Variants in LDLRAD3 observed in about 807,000 individuals in gnomAD.
The protein encoded by LDLRAD3 is low-density lipoprotein receptor class A domain-containing protein 3.
Under a neutral mutation model 29.4 loss-of-function variants are expected in LDLRAD3, and 20 were observed. That is an observed-to-expected ratio of 0.68 (90% confidence interval 0.48 to 0.99). The LOEUF (loss-of-function observed/expected upper bound fraction) is 0.99, where lower values mean the gene tolerates loss of function less well. Among genes scored for constraint, LDLRAD3 ranks in the 50% least tolerant of loss-of-function variants. The pLI is 0.00. For synonymous variants in LDLRAD3, 157 were observed against 192.7 expected (o/e 0.81, Z 1.53); for missense variants, 420 against 454.3 (o/e 0.92, Z 0.69).
At chr11:35,976,375 A>G (rs1339622112) in intron 1 of LDLRAD3, among the ~76,000 whole-genome samples, 2 of 152,084 alleles carry the variant, frequency 1.3e-5, no homozygotes, top group Admixed American at 6.5e-5. Context: ...AAAGGAGGGT[A>G]GGAGGCAATA....
At chr11:36,172,446 A>G (rs1445480390) in intron 4 of LDLRAD3, among the ~76,000 whole-genome samples, 1 of 151,570 alleles carries the variant, frequency 6.6e-6, no homozygotes, top group African/African-American at 2.4e-5. Flanking sequence ...ATTTAGTATA[A>G]TGTTGGCTGT....
intron 1 of LDLRAD3, among the ~76,000 whole-genome samples, chr11:35,954,739 C>A (rs988843041): frequency 6.6e-6 from 1 of 151,994 alleles, no homozygotes; most frequent in Non-Finnish European, 1.5e-5. Flanking sequence ...CTTAAAAAGA[C>A]AAAGAAAAAG....
intron 3 of LDLRAD3, among the ~76,000 whole-genome samples, chr11:36,091,404 C>T (rs1183617191): frequency 6.6e-6 from 1 of 151,954 alleles, no homozygotes; most frequent in East Asian, 1.9e-4. Flanking sequence ...GCAGTGGTCC[C>T]TCGGTCTTAT....
rs1316554599 is a variant in LDLRAD3, at chr11:36,017,602, C to T, written c.47-18501C>T. On this transcript the variant is annotated intron_variant, in intron 1 of 5. Coordinates refer to ENST00000315571, the MANE Select transcript of LDLRAD3 (RefSeq NM_174902.4). ...GGAGTGCATTGGCGTGATCTTGGCT[C>T]ACTGCAACCTCCACCTCCCAGATTC... Among the ~76,000 whole-genome samples, 8 of 150,826 alleles carry T rather than the reference C, an allele frequency of 5.3e-5. No individual in the cohort carries two copies. In the East Asian group the frequency reaches 7.8e-4, roughly 15 times the overall value.
intron 4 of LDLRAD3, among the ~76,000 whole-genome samples, chr11:36,138,950 C>T (rs1854040015): frequency 6.6e-6 from 1 of 152,220 alleles, no homozygotes; most frequent in South Asian, 2.1e-4. Flanking sequence ...TTTCTTCTCC[C>T]ACCCATTATG....
At chr11:36,219,209 T>C (rs1855395026) in intron 4 of LDLRAD3, among the ~76,000 whole-genome samples, 1 of 152,268 alleles carries the variant, frequency 6.6e-6, no homozygotes, top group African/African-American at 2.4e-5. Context: ...TGCCAGCTCA[T>C]GGTCTATACC....
chr11:36,007,278 G>C (rs1851896951), intron 1 of LDLRAD3, among the ~76,000 whole-genome samples: 2 of 152,222 alleles, frequency 1.3e-5, no homozygotes, highest in African/African-American at 4.8e-5. Flanking sequence ...GACCCACCCT[G>C]CTAAATTTAT....
chr11:36,128,431 G>A (rs1008422299), intron 4 of LDLRAD3, among the ~76,000 whole-genome samples: 1 of 152,126 alleles, frequency 6.6e-6, no homozygotes, highest in African/African-American at 2.4e-5. Context: ...GGACTCGTGG[G>A]TAGAGATGCC....
Position 36,193,899 on chromosome 11 carries a change from C to T in LDLRAD3, c.455-33186C>T, listed in dbSNP as rs114262955. 1.1e-3 allele frequency among the ~76,000 whole-genome samples: 174 copies of T among 152,152 alleles called. 1 individual carries two copies. The highest frequency in any genetic ancestry group is 4.1e-3 in the African/African-American group (170 of 41,496). On this transcript the variant is annotated intron_variant, in intron 4 of 5. Coordinates refer to ENST00000315571, the MANE Select transcript of LDLRAD3 (RefSeq NM_174902.4). ...CTCTGCCACTTACTAGCTGAGACAT[C>T]TTGGGAATGTTATTTTACTTCTCAA... is the stretch of plus-strand genomic sequence containing the variant.
intron 1 of LDLRAD3, among the ~76,000 whole-genome samples, chr11:36,032,639 C>T (rs956330359): frequency 1.8e-4 from 27 of 152,106 alleles, no homozygotes; most frequent in African/African-American, 3.6e-4. Flanking sequence ...GCCCATTAGA[C>T]GCCAATAGCA....
chr11:35,979,509 C>T (rs1851514566), intron 1 of LDLRAD3, among the ~76,000 whole-genome samples: 1 of 152,160 alleles, frequency 6.6e-6, no homozygotes, highest in Non-Finnish European at 1.5e-5. Context: ...AGTTTTCCTT[C>T]CTGAGGTTGA....
chr11:36,134,797 T>C (rs530703702), intron 4 of LDLRAD3, among the ~76,000 whole-genome samples: 1 of 152,348 alleles, frequency 6.6e-6, no homozygotes, highest in African/African-American at 2.4e-5. Flanking sequence ...GAAGTCTGTC[T>C]TTTGATCTGC....
At chr11:36,103,528 C>T (rs760799283) in intron 4 of LDLRAD3, among the ~76,000 whole-genome samples, 1 of 152,146 alleles carries the variant, frequency 6.6e-6, no homozygotes, top group Non-Finnish European at 1.5e-5. Flanking sequence ...CGTGAGCCAC[C>T]GTGCCTGGCC....
At chr11:36,066,789 G>GTA (rs1852801725) in intron 2 of LDLRAD3, among the ~76,000 whole-genome samples, 1 of 152,200 alleles carries the variant, frequency 6.6e-6, no homozygotes, top group Admixed American at 6.5e-5. Context: ...CCTCAGGGCT[G>GTA]TTGGGGGGAT....
At chr11:35,955,028 TGAGGCCAGGACTTC>T (rs1200777323) in intron 1 of LDLRAD3, among the ~76,000 whole-genome samples, 1 of 152,202 alleles carries the variant, frequency 6.6e-6, no homozygotes, top group Non-Finnish European at 1.5e-5. Context: ...GCAGATAACT[TGAGGCCAGGACTTC>T]GAGACCAGCC....
chr11:36,021,122 T>A (rs551378769), intron 1 of LDLRAD3, among the ~76,000 whole-genome samples: 1 of 152,140 alleles, frequency 6.6e-6, no homozygotes, highest in Non-Finnish European at 1.5e-5. Context: ...GCTGAGCTTG[T>A]GCCAGGGATG....
intron 4 of LDLRAD3, among the ~76,000 whole-genome samples, chr11:36,109,221 T>C (rs1853573411): frequency 6.6e-6 from 1 of 152,144 alleles, no homozygotes; most frequent in South Asian, 2.1e-4. Flanking sequence ...AGAGAATCTT[T>C]GTCATGGACG....
At chr11:36,200,545 A>T (rs1315506234) in intron 4 of LDLRAD3, among the ~76,000 whole-genome samples, 1 of 152,228 alleles carries the variant, frequency 6.6e-6, no homozygotes, top group Non-Finnish European at 1.5e-5. Context: ...CATGGCCAAG[A>T]TACCACAGCT....
At chr11:36,103,633 G>A (rs796348920) in intron 4 of LDLRAD3, among the ~76,000 whole-genome samples, 10 of 152,174 alleles carry the variant, frequency 6.6e-5, no homozygotes, top group African/African-American at 2.2e-4. Flanking sequence ...AGTCTAAGAC[G>A]TGGAGGTTAG....
Sources: gnomAD v4.1 joint callset for allele counts (sites outside exome capture counted in the v4.1 genomes callset) on GRCh38, gnomAD v4.1.1 for gene constraint, MANE v1.5 for transcripts, NCBI Gene and HGNC (gene_info 2026-07-23, HGNC 2026-07-21) for gene names.